DIP2B: variants seen among roughly 807,000 people sequenced by gnomAD.
DIP2B encodes disco-interacting protein 2 homolog B.
DIP2B carries 76 observed loss-of-function variants against 198.0 expected under a neutral mutation model. The ratio of observed to expected loss-of-function variants is 0.38; its 90% confidence interval spans 0.32 to 0.46. The LOEUF is 0.46. Among genes scored for constraint, DIP2B ranks in the 20% least tolerant of loss-of-function variants. The pLI is 0.99. For synonymous variants in DIP2B, 701 were observed against 739.1 expected (o/e 0.95, Z 0.84); for missense variants, 1,559 against 1,978.4 (o/e 0.79, Z 4.02).
At chr12:50,525,098 C>T (rs1958150977) in intron 1 of DIP2B, among the ~76,000 whole-genome samples, 1 of 152,108 alleles carries the variant, frequency 6.6e-6, no homozygotes, top group Non-Finnish European at 1.5e-5. Context: ...TGGCTCACAC[C>T]TGTAATCCCA....
intron 3 of DIP2B, 141 bp downstream of exon 3, chr12:50,640,993 T>G (rs545365186): frequency 2.4e-4 from 266 of 1,093,000 alleles, no homozygotes; most frequent in Non-Finnish European, 3.2e-4. Context: ...CACCAATCAT[T>G]TATTTTGTAC....
intron 1 of DIP2B, among the ~76,000 whole-genome samples, chr12:50,568,968 A>T (rs975194384): frequency 1.3e-5 from 2 of 151,982 alleles, no homozygotes; most frequent in African/African-American, 4.8e-5. Context: ...TTTGTCCGTA[A>T]GAATTCTCTT....
At chr12:50,741,226 C>G (rs937943833) in intron 36 of DIP2B, among the ~76,000 whole-genome samples, 190 bp from the exon 37 acceptor site, 8 of 152,212 alleles carry the variant, frequency 5.3e-5, no homozygotes, top group Non-Finnish European at 1.2e-4. Context: ...CTCACAGCAG[C>G]CATTGATTAT....
intron 3 of DIP2B, among the ~76,000 whole-genome samples, chr12:50,658,852 G>T (rs1056455133): frequency 8.5e-5 from 13 of 152,138 alleles, no homozygotes; most frequent in African/African-American, 2.9e-4. Context: ...ACTTTAGTAG[G>T]CCGAGGCGGG....
chr12:50,523,151 C>T (rs930920921), intron 1 of DIP2B, among the ~76,000 whole-genome samples: 9 of 151,994 alleles, frequency 5.9e-5, no homozygotes, highest in Non-Finnish European at 1.2e-4. Context: ...GGATTGGTTC[C>T]GGGACTCCCC....
chr12:50,666,326 T>C (rs1432004469), intron 4 of DIP2B, among the ~76,000 whole-genome samples: 1 of 152,186 alleles, frequency 6.6e-6, no homozygotes, highest in African/African-American at 2.4e-5. Flanking sequence ...ACTCAACAGT[T>C]TTCTACCCCA....
chr12:50,639,732 C>T (rs376698369), intron 2 of DIP2B, among the ~76,000 whole-genome samples: 15 of 152,018 alleles, frequency 9.9e-5, no homozygotes, highest in East Asian at 5.8e-4. Context: ...TGGGCATAAC[C>T]GGGTGCTATT....
intron 3 of DIP2B, among the ~76,000 whole-genome samples, chr12:50,656,082 T>C (rs1938549811): frequency 6.6e-6 from 1 of 152,134 alleles, no homozygotes; most frequent in Non-Finnish European, 1.5e-5. Context: ...GAGAAGGGAA[T>C]TATAAGTGGA....
chr12:50,572,330 A>G (rs1267689715), intron 1 of DIP2B, among the ~76,000 whole-genome samples: 1 of 152,190 alleles, frequency 6.6e-6, no homozygotes, highest in Non-Finnish European at 1.5e-5. Context: ...AGATTCTGGC[A>G]TTTCTCATTT....
chr12:50,743,144 G>A (rs766491759), intron 37 of DIP2B, among the ~76,000 whole-genome samples: 1 of 151,988 alleles, frequency 6.6e-6, no homozygotes, highest in East Asian at 1.9e-4. Context: ...GTGCAGCGGT[G>A]CGATCCCGGC....
intron 1 of DIP2B, among the ~76,000 whole-genome samples, chr12:50,537,739 A>G (rs907693119): frequency 1.3e-5 from 2 of 152,206 alleles, no homozygotes; most frequent in Non-Finnish European, 1.5e-5. Context: ...TAGAGGAGAA[A>G]GAAGAGTCAT....
chr12:50,704,440 C>CT (rs1480274939), intron 20 of DIP2B, among the ~76,000 whole-genome samples: 4 of 152,242 alleles, frequency 2.6e-5, no homozygotes. Context: ...TTTTTATTTT[C>CT]TTTTTTTCCC....
chr12:50,714,280 G>A, intron 22 of DIP2B, 115 bp from the exon 23 acceptor site: 1 of 1,089,896 alleles, frequency 9.2e-7, no homozygotes, highest in Non-Finnish European at 1.3e-6. Context: ...CCAGATTCTA[G>A]ATCTAGAATG....
At chr12:50,524,364 ATTCAGT>A (rs1216759040) in intron 1 of DIP2B, among the ~76,000 whole-genome samples, 1 of 152,150 alleles carries the variant, frequency 6.6e-6, no homozygotes, top group Non-Finnish European at 1.5e-5. Flanking sequence ...TCTTCCATGA[ATTCAGT>A]TTGTCTTTAA....
intron 1 of DIP2B, among the ~76,000 whole-genome samples, chr12:50,553,270 A>G (rs1263866423): frequency 2.0e-5 from 3 of 152,258 alleles, no homozygotes; most frequent in Non-Finnish European, 2.9e-5. Context: ...CCTTTCATGT[A>G]AGCTGTTATT....
At chr12:50,714,836 TCAGAGGCTGA>T (rs1939685032) in intron 23 of DIP2B, among the ~76,000 whole-genome samples, 1 of 152,116 alleles carries the variant, frequency 6.6e-6, no homozygotes, top group Non-Finnish European at 1.5e-5. Context: ...CTCAGCTACT[TCAGAGGCTGA>T]CAGAGGATGG....
intron 4 of DIP2B, among the ~76,000 whole-genome samples, chr12:50,665,249 A>G (rs1938729642): frequency 6.6e-6 from 1 of 152,212 alleles, no homozygotes; most frequent in Non-Finnish European, 1.5e-5. Flanking sequence ...GTATGCAAAG[A>G]ACTTTCACAT....
intron 1 of DIP2B, among the ~76,000 whole-genome samples, chr12:50,621,462 CAT>C (rs781537039): frequency 2.4e-4 from 37 of 152,012 alleles, no homozygotes; most frequent in African/African-American, 8.0e-4. Flanking sequence ...ACCAAGTACA[CAT>C]GTCTGTTTGA....
chr12:50,534,065 C>G (rs980092230), intron 1 of DIP2B, among the ~76,000 whole-genome samples: 1 of 152,132 alleles, frequency 6.6e-6, no homozygotes, highest in Non-Finnish European at 1.5e-5. Context: ...TCTCCTTACT[C>G]TAACTCATTC....
Sources: gnomAD v4.1 joint callset for allele counts (sites outside exome capture counted in the v4.1 genomes callset) on GRCh38, gnomAD v4.1.1 for gene constraint, MANE v1.5 for transcripts, NCBI Gene and HGNC (gene_info 2026-07-23, HGNC 2026-07-21) for gene names.